The following PACC1 variants were observed in gnomAD, a reference collection of about 807,000 sequenced individuals.
PACC1 encodes the protein proton-activated chloride channel.
A neutral mutation model predicts 39.7 loss-of-function variants in PACC1; 34 were observed. That is an observed-to-expected ratio of 0.86 (90% CI 0.65 to 1.14). The LOEUF (loss-of-function observed/expected upper bound fraction) is 1.14, where lower values mean the gene tolerates loss of function less well. PACC1 is among the 50% of genes most tolerant of loss of function. The probability of loss-of-function intolerance (pLI) is 0.00; values close to 1 mark genes in which losing one functional copy is unlikely to be tolerated. For synonymous variants in PACC1, 127 were observed against 160.6 expected (o/e 0.79, Z 1.58); for missense variants, 379 against 436.4 (o/e 0.87, Z 1.17).
At chr1:212,408,975 C>A (rs549277428) in intron 2 of PACC1, among the ~76,000 whole-genome samples, 1 of 152,308 alleles carries the variant, frequency 6.6e-6, no homozygotes, top group Non-Finnish European at 1.5e-5. Flanking sequence ...GCATTACCAC[C>A]TGAGCTCCAC....
intron 6 of PACC1, chr1:212,376,711 C>G (rs988181546): frequency 6.6e-6 from 1 of 152,230 alleles, no homozygotes; most frequent in African/African-American, 2.4e-5. Flanking sequence ...TTGAAGAAAA[C>G]TGGCTTTGAG....
chr1:212,368,734 C>G (rs1309097757), intron 7 of PACC1, among the ~76,000 whole-genome samples: 1 of 151,526 alleles, frequency 6.6e-6, no homozygotes, highest in Non-Finnish European at 1.5e-5. Flanking sequence ...AAGGGTAAAT[C>G]AAGAGTCAAT....
At chr1:212,366,943 A>G (rs10779579) in intron 7 of PACC1, among the ~76,000 whole-genome samples, 1 of 152,084 alleles carries the variant, frequency 6.6e-6, no homozygotes, top group African/African-American at 2.4e-5. Flanking sequence ...GCTATGAAAC[A>G]GTTTCCTGTA....
intron 4 of PACC1, among the ~76,000 whole-genome samples, chr1:212,381,747 C>G (rs1320291640): frequency 9.9e-6 from 1 of 101,304 alleles, no homozygotes; most frequent in African/African-American, 4.7e-5. Context: ...TGGACCAGAA[C>G]AATGCCCAGG....
chr1:212,394,237 C>T (rs1661431703), intron 2 of PACC1, among the ~76,000 whole-genome samples: 1 of 152,210 alleles, frequency 6.6e-6, no homozygotes, highest in African/African-American at 2.4e-5. Flanking sequence ...AGCTTATCCA[C>T]CATGATCAAG....
chr1:212,385,163 C>T (rs529032016), intron 4 of PACC1, 111 bp downstream of exon 4: 15 of 1,275,858 alleles, frequency 1.2e-5, no homozygotes, highest in Non-Finnish European at 1.6e-5. Flanking sequence ...GACTAAGGCC[C>T]CACACTGAGT....
At chr1:212,414,521 C>T (rs1050089039) in intron 1 of PACC1, among the ~76,000 whole-genome samples, 6 of 152,160 alleles carry the variant, frequency 3.9e-5, no homozygotes, top group Admixed American at 2.0e-4. Flanking sequence ...GAACGCTGGG[C>T]GCCCGCTCCG....
intron 7 of PACC1, among the ~76,000 whole-genome samples, chr1:212,372,302 CAAAAAACAAAA>C (rs1407319587): frequency 6.9e-6 from 1 of 145,792 alleles, no homozygotes; most frequent in South Asian, 2.2e-4. Context: ...AAACAAAAAA[CAAAAAACAAAA>C]AAAAAACAAA....
chr1:212,370,722 A>G (rs904372829), intron 7 of PACC1, among the ~76,000 whole-genome samples: 2 of 152,230 alleles, frequency 1.3e-5, no homozygotes, highest in African/African-American at 4.8e-5. Context: ...ATTAAGAAGG[A>G]AATTTTAACA....
intron 4 of PACC1, 102 bp downstream of exon 4, chr1:212,385,172 G>A: frequency 1.5e-6 from 2 of 1,339,840 alleles, no homozygotes; most frequent in Non-Finnish European, 2.1e-6. Context: ...CCCACACTGA[G>A]TGAGTGGAAG....
intron 3 of PACC1, among the ~76,000 whole-genome samples, chr1:212,385,928 C>A (rs1185827709): frequency 2.6e-5 from 4 of 152,200 alleles, no homozygotes; most frequent in African/African-American, 9.7e-5. Context: ...GCCTCAAGGG[C>A]AGCAATGCTA....
chr1:212,384,753 C>T (rs1246366421), intron 4 of PACC1, among the ~76,000 whole-genome samples: 3 of 152,248 alleles, frequency 2.0e-5, no homozygotes, highest in Admixed American at 6.5e-5. Flanking sequence ...CCCAGCCGTG[C>T]TGTGTTGTGC....
intron 6 of PACC1, among the ~76,000 whole-genome samples, chr1:212,376,189 C>T (rs1041749376): frequency 9.2e-5 from 14 of 152,140 alleles, no homozygotes; most frequent in African/African-American, 3.1e-4. Flanking sequence ...AAACCAGCTC[C>T]ACCCAGAGGC....
At chr1:212,408,725 T>C (rs752254716) in intron 2 of PACC1, among the ~76,000 whole-genome samples, 7 of 152,214 alleles carry the variant, frequency 4.6e-5, no homozygotes, top group Non-Finnish European at 8.8e-5. Flanking sequence ...TGTTCCCCTC[T>C]CCCACAAACA....
At chr1:212,394,825 T>C (rs1431512270) in intron 2 of PACC1, among the ~76,000 whole-genome samples, 2 of 152,102 alleles carry the variant, frequency 1.3e-5, no homozygotes, top group Non-Finnish European at 2.9e-5. Flanking sequence ...ATGAGTGAAC[T>C]CCCATTCACA....
chr1:212,381,694 TGCACACACACACACAC>T (rs1418802815), intron 4 of PACC1, among the ~76,000 whole-genome samples: 1 of 78,578 alleles, frequency 1.3e-5, no homozygotes, highest in Non-Finnish European at 2.8e-5. Flanking sequence ...ACACACACAC[TGCACACACACACACAC>T]ACACACACAC....
At chr1:212,384,060 C>T (rs778576682) in intron 4 of PACC1, among the ~76,000 whole-genome samples, 7 of 152,190 alleles carry the variant, frequency 4.6e-5, no homozygotes, top group Non-Finnish European at 8.8e-5. Context: ...TGTACCTCTA[C>T]AACAGGTCTC....
intron 6 of PACC1, 84 bp from the exon 7 acceptor site, chr1:212,375,384 C>T: frequency 2.1e-6 from 2 of 960,716 alleles, no homozygotes; most frequent in Non-Finnish European, 3.3e-6. Context: ...AGAGAGTAGG[C>T]AGGGGATCAT....
At chr1:212,388,155 G>A (rs1318555300) in intron 2 of PACC1, among the ~76,000 whole-genome samples, 1 of 151,936 alleles carries the variant, frequency 6.6e-6, no homozygotes, top group East Asian at 1.9e-4. Context: ...AGTGTTCCCA[G>A]GGAGCCCTGT....
Sources: allele counts gnomAD v4.1 joint callset (sites outside exome capture counted in the v4.1 genomes callset), GRCh38; gene constraint gnomAD v4.1.1; transcripts MANE v1.5; gene names NCBI Gene and HGNC (gene_info 2026-07-23, HGNC 2026-07-21).